Variants in ELOVL5 observed in about 807,000 individuals in gnomAD.
The protein encoded by ELOVL5 is very long chain fatty acid elongase 5.
In ELOVL5, 8 loss-of-function variants were observed where a neutral mutation model predicts 38.6. The ratio of observed to expected loss-of-function variants is 0.21; its 90% CI spans 0.12 to 0.37. The LOEUF is 0.37. ELOVL5 is among the 10% of genes least tolerant of loss of function. ELOVL5 has a pLI of 1.00. For synonymous variants in ELOVL5, 127 were observed against 133.7 expected, an observed-to-expected ratio of 0.95 and a Z score of 0.34; for missense variants, 280 against 367.8, an observed-to-expected ratio of 0.76 and a Z score of 1.95.
chr6:53,272,836 T>C (rs1765974426), intron 6 of ELOVL5, among the ~76,000 whole-genome samples: 1 of 152,222 alleles, frequency 6.6e-6, no homozygotes, highest in South Asian at 2.1e-4. Flanking sequence ...GACTCCATAC[T>C]ACTCTCCAGC....
At chr6:53,287,767 G>C (rs1266856121) in intron 3 of ELOVL5, 1 of 1,098,392 alleles carries the variant, frequency 9.1e-7, no homozygotes, top group East Asian at 2.6e-5. Context: ...GGCTAAGAAA[G>C]GCCGGAGTGC....
intron 2 of ELOVL5, chr6:53,294,074 C>T: frequency 7.4e-7 from 1 of 1,342,546 alleles, no homozygotes; most frequent in South Asian, 2.0e-5. Context: ...AATAAATACA[C>T]ACAAATCTCC....
intron 3 of ELOVL5, among the ~76,000 whole-genome samples, chr6:53,289,737 A>G (rs1766703150): frequency 6.6e-6 from 1 of 152,168 alleles, no homozygotes; most frequent in Non-Finnish European, 1.5e-5. Flanking sequence ...CAAACAGAAA[A>G]ACGTGTAGCT....
At position 53,267,585 on chromosome 6, in the gene ELOVL5, A is replaced by G. The variant is rs1765784735; in HGVS notation, c.*1542T>C. 1 of 152,682 alleles carries G rather than the reference A, an allele frequency of 6.5e-6. No homozygotes were observed. The highest frequency in any genetic ancestry group is 1.5e-5 in the Non-Finnish European group (1 of 68,044). The allele number at this position is 152,682 out of a possible 1,614,324, so 9.5% of individuals were successfully genotyped here. A position where few individuals can be genotyped will look rare whatever the true frequency, so the allele number is the denominator to read the frequency against. ...ATACATTTATAAATATACACATTCTAGGTTTGATAAGGTAAATGTAAACAG... is the reference window on the plus strand; with the variant it reads ...ATACATTTATAAATATACACATTCTGGGTTTGATAAGGTAAATGTAAACAG... On this transcript the variant is annotated 3_prime_UTR_variant, in exon 8 of 8. Coordinates refer to ENST00000304434, the MANE Select transcript of ELOVL5 (RefSeq NM_021814.5).
Position 53,322,116 on chromosome 6 carries a change from C to T in ELOVL5, c.-8-26409G>A, listed in dbSNP as rs192007694. Among the ~76,000 whole-genome samples the T allele has an allele frequency of 1.3e-3, 198 of 152,274 alleles. 1 individual carries two copies. The highest frequency in any genetic ancestry group is 1.7e-3 in the Non-Finnish European group (119 of 68,028). ...AGTATGGATTTTAAAAAGCACAGTTCAAGCATTTGTTAAATATCTATTCTG... is the reference window on the plus strand; with the variant it reads ...AGTATGGATTTTAAAAAGCACAGTTTAAGCATTTGTTAAATATCTATTCTG... On this transcript the variant is annotated intron_variant, in intron 1 of 7. Transcript: ENST00000304434.
intron 1 of ELOVL5, 85 bp from the exon 2 acceptor site, chr6:53,295,792 T>G: frequency 1.2e-6 from 1 of 828,880 alleles, no homozygotes; most frequent in South Asian, 1.8e-5. Flanking sequence ...TAAATTCTTT[T>G]CAAAGAATAT....
intron 1 of ELOVL5, among the ~76,000 whole-genome samples, chr6:53,329,273 A>G (rs1768683946): frequency 6.6e-6 from 1 of 152,162 alleles, no homozygotes; most frequent in African/African-American, 2.4e-5. Context: ...ATACGTTTTT[A>G]TATTTTGAAA....
intron 1 of ELOVL5, among the ~76,000 whole-genome samples, chr6:53,315,934 T>A (rs1426982962): frequency 6.6e-6 from 1 of 152,200 alleles, no homozygotes; most frequent in East Asian, 1.9e-4. Flanking sequence ...TTCTCTAGGC[T>A]CTGAAACTAT....
At chr6:53,320,528 G>T (rs909234057) in intron 1 of ELOVL5, among the ~76,000 whole-genome samples, 1 of 151,756 alleles carries the variant, frequency 6.6e-6, no homozygotes. Context: ...GTAGAAATGG[G>T]GTTTCACCAT....
At chr6:53,327,676 A>G (rs1380218784) in intron 1 of ELOVL5, among the ~76,000 whole-genome samples, 1 of 152,206 alleles carries the variant, frequency 6.6e-6, no homozygotes, top group Non-Finnish European at 1.5e-5. Flanking sequence ...TGGCTTATAT[A>G]ATGTAAATTA....
chr6:53,318,871 T>C (rs1334610670), intron 1 of ELOVL5, among the ~76,000 whole-genome samples: 1 of 152,230 alleles, frequency 6.6e-6, no homozygotes, highest in Non-Finnish European at 1.5e-5. Flanking sequence ...TAAAATATTA[T>C]CATTTCAACA....
At chr6:53,289,302 G>C (rs1766685370) in intron 3 of ELOVL5, among the ~76,000 whole-genome samples, 2 of 152,146 alleles carry the variant, frequency 1.3e-5, no homozygotes, top group African/African-American at 4.8e-5. Context: ...TCTAACTCCT[G>C]GGACATTTCT....
rs1211329810 is a variant in ELOVL5 at position 53,348,934 on chromosome 6, C to A, written c.-126G>T. ...AGAAGGAGACACCGGTGGCTAGGACCCGCGCGATGGGAAGAGGAAGGCGCC... is the reference window on the plus strand; with the variant it reads ...AGAAGGAGACACCGGTGGCTAGGACACGCGCGATGGGAAGAGGAAGGCGCC... On this transcript the variant is annotated 5_prime_UTR_variant, in exon 1 of 8. Coordinates refer to ENST00000304434, the MANE Select transcript of ELOVL5 (RefSeq NM_021814.5). 2.3e-6 allele frequency: 1 copy of A among 437,048 alleles called. No homozygotes were observed. The highest frequency in any genetic ancestry group is 2.6e-5 in the Admixed American group (1 of 39,162). The allele number at this position is 437,048 out of a possible 1,614,324, so 27.1% of individuals were successfully genotyped here. A position where few individuals can be genotyped will look rare whatever the true frequency, so the allele number is the denominator to read the frequency against.
chr6:53,329,170 A>G (rs908716955), intron 1 of ELOVL5, among the ~76,000 whole-genome samples: 8 of 146,530 alleles, frequency 5.5e-5, no homozygotes, highest in African/African-American at 2.1e-4. Flanking sequence ...CTATATATAT[A>G]AAGTATAACT....
chr6:53,310,634 G>A (rs1421743100), intron 1 of ELOVL5, among the ~76,000 whole-genome samples: 2 of 152,092 alleles, frequency 1.3e-5, no homozygotes, highest in Non-Finnish European at 2.9e-5. Flanking sequence ...ACAGGGTCTC[G>A]CTCTGTTCCC....
intron 1 of ELOVL5, among the ~76,000 whole-genome samples, chr6:53,320,558 C>T (rs189570006): frequency 2.6e-3 from 402 of 151,958 alleles, no homozygotes; most frequent in Admixed American, 8.4e-3. Context: ...CTCCTGACCT[C>T]GTGATCCACC....
chr6:53,344,995 T>G lies in ELOVL5; in HGVS notation c.-9+3822A>C, dbSNP rs145535376. Among the ~76,000 whole-genome samples, 1,157 of 152,350 alleles carry G rather than the reference T, an allele frequency of 7.6e-3. 27 individuals are homozygous for G. Among genetic ancestry groups the G allele is most frequent in the African/African-American group, 0.027 (1,109 of 41,576 alleles). On this transcript the variant is annotated intron_variant, in intron 1 of 7. Coordinates refer to ENST00000304434, the MANE Select transcript of ELOVL5 (RefSeq NM_021814.5). Reference sequence around the variant, plus strand: ...AGACGCTGTAGCTGACTTCCTGTGTTCTGCAGGCCCTTCTTAAAGGTGAAG... The same window carrying G: ...AGACGCTGTAGCTGACTTCCTGTGTGCTGCAGGCCCTTCTTAAAGGTGAAG...
chr6:53,348,131 C>G (rs1428640027), intron 1 of ELOVL5, among the ~76,000 whole-genome samples: 1 of 151,984 alleles, frequency 6.6e-6, no homozygotes, highest in Non-Finnish European at 1.5e-5. Context: ...CTCTCGCTTT[C>G]CCACCAGCCT....
At chr6:53,346,039 G>C (rs986692344) in intron 1 of ELOVL5, among the ~76,000 whole-genome samples, 18 of 152,072 alleles carry the variant, frequency 1.2e-4, no homozygotes, top group African/African-American at 4.3e-4. Context: ...TTAGGAATTT[G>C]TCCTAATGCT....
Sources: allele counts gnomAD v4.1 joint callset (sites outside exome capture counted in the v4.1 genomes callset), GRCh38; gene constraint gnomAD v4.1.1; transcripts MANE v1.5; gene names NCBI Gene and HGNC (gene_info 2026-07-23, HGNC 2026-07-21).